FBXL4: variants seen among roughly 807,000 people sequenced by gnomAD.
The protein encoded by FBXL4 is F-box and leucine rich repeat protein 4.
A neutral mutation model predicts 58.9 loss-of-function variants in FBXL4; 40 were observed. The ratio of observed to expected loss-of-function variants is 0.68; its 90% CI spans 0.53 to 0.88. The LOEUF (loss-of-function observed/expected upper bound fraction) is 0.88. Ranked by LOEUF, FBXL4 falls within the 40% of genes least tolerant of loss-of-function variation. FBXL4 has a pLI of 0.00. For synonymous variants in FBXL4, 263 were observed against 265.5 expected (o/e 0.99, Z 0.09); for missense variants, 676 against 734.4 (o/e 0.92, Z 0.92).
rs997094928 is a variant in FBXL4 at position 98,868,675 on chromosome 6, A to C, written c.*5603T>G. 3 of 152,170 alleles carry C rather than the reference A, an allele frequency of 2.0e-5. No homozygotes were observed. Among genetic ancestry groups the C allele is most frequent in the Non-Finnish European group, 4.4e-5 (3 of 68,032 alleles). The allele number at this position is 152,170 out of a possible 1,614,324, so 9.4% of individuals were successfully genotyped here. On this transcript the variant is annotated 3_prime_UTR_variant, in exon 10 of 10. Transcript: ENST00000369244. ...GTACAGACAACTTCATTTGTAACAG[A>C]GACTTGTTTTATCTTTAGTGTATTC...
chr6:98,899,607 A>T lies in FBXL4; in HGVS notation c.1104-126T>A, dbSNP rs550657550. 6,255 of 1,189,530 alleles carry T rather than the reference A, an allele frequency of 5.3e-3. 25 individuals carry two copies. Among genetic ancestry groups the T allele is most frequent in the Non-Finnish European group, 5.9e-3 (5,177 of 877,196 alleles). 73.7% of individuals were successfully genotyped at this position (1,189,530 alleles called of 1,614,324 possible). A position where few individuals can be genotyped will look rare whatever the true frequency, so the allele number is the denominator to read the frequency against. ...AGATTTCTATTAGGGAAAATGTAAA[A>T]TTTGTTTTGCTTAAATTCTTATTCA... On this transcript the variant is annotated intron_variant, in intron 6 of 9. Transcript: ENST00000369244.
In FBXL4 at chr6:98,874,478, C is replaced by T. The variant is rs3765239; in HGVS notation, c.1703-37G>A. 227,272 of 1,550,622 alleles carry T rather than the reference C, an allele frequency of 0.15. 19,870 individuals are homozygous for T. The highest frequency in any genetic ancestry group is 0.47 in the East Asian group (20,635 of 44,262). Reference sequence around the variant, plus strand: ...AAACAAAACAAAACAAAACAAAACACCTTAAGTATAACATTTATATAATGT... The same window carrying T: ...AAACAAAACAAAACAAAACAAAACATCTTAAGTATAACATTTATATAATGT... On this transcript the variant is annotated intron_variant, in intron 9 of 9. Transcript: ENST00000369244.
intron 7 of FBXL4, chr6:98,897,265 A>T (rs2128388069): frequency 1.0e-6 from 1 of 985,330 alleles, no homozygotes; most frequent in African/African-American, 1.7e-5. Context: ...ATAATTTCAG[A>T]ATGAACAGTC....
chr6:98,898,731 C>T (rs997362025), intron 7 of FBXL4: 6 of 984,452 alleles, frequency 6.1e-6, no homozygotes, highest in Non-Finnish European at 7.2e-6. Flanking sequence ...ATAACATACA[C>T]TATTACAGTA....
chr6:98,923,345 C>T (rs1772655840), intron 4 of FBXL4, among the ~76,000 whole-genome samples: 1 of 152,010 alleles, frequency 6.6e-6, no homozygotes, highest in Non-Finnish European at 1.5e-5. Context: ...AGATATTCTT[C>T]TGGGAAGCTG....
rs192487460 is a variant in FBXL4 at position 98,904,727 on chromosome 6, T to C, written c.1103+699A>G. On this transcript the variant is annotated intron_variant, in intron 6 of 9. Transcript: ENST00000369244. ...ACTTCATGAAAATGCTGGGATTATA[T>C]GTAACATACAATGAGAAAAACCATG... Among the ~76,000 whole-genome samples, 110 of 152,290 alleles carry C rather than the reference T, an allele frequency of 7.2e-4. 2 individuals carry two copies. The highest frequency in any genetic ancestry group is 2.2e-3 in the Admixed American group (34 of 15,290).
intron 4 of FBXL4, among the ~76,000 whole-genome samples, chr6:98,922,294 T>C (rs1418032780): frequency 6.6e-6 from 1 of 152,208 alleles, no homozygotes; most frequent in African/African-American, 2.4e-5. Flanking sequence ...TAGAACTACC[T>C]GTAACTTCTC....
In FBXL4 at chr6:98,899,432, T is replaced by C. The variant is rs756148359; in HGVS notation, c.1153A>G (p.Ser385Gly). The C allele has an allele frequency of 1.2e-6, 2 of 1,613,788 alleles. No individual in the cohort carries two copies. The highest frequency in any genetic ancestry group is 2.2e-5 in the East Asian group (1 of 44,868). Residue 385 changes from serine (S) to glycine (G), a missense_variant, in exon 7 of 10, where the codon AGC (serine) becomes GGC (glycine). Physicochemically the swap from Ser to Gly is moderately conservative, Grantham distance 56 (BLOSUM62 0). Coordinates refer to ENST00000369244, the MANE Select transcript of FBXL4 (RefSeq NM_001278716.2). ...SELVRLELSC[S>G]HFLNETCLEV... ...AAGCAAGTTTCATTAAGAAAGTGGCTGCAAGACAATTCAAGGCGTACTAAT... is the reference window on the plus strand; with the variant it reads ...AAGCAAGTTTCATTAAGAAAGTGGCCGCAAGACAATTCAAGGCGTACTAAT...
intron 7 of FBXL4, among the ~76,000 whole-genome samples, chr6:98,891,279 GT>G (rs1771216966): frequency 6.6e-6 from 1 of 151,842 alleles, no homozygotes; most frequent in Non-Finnish European, 1.5e-5. Context: ...GGAAAAAGAA[GT>G]TCTCTAAACC....
chr6:98,891,738 A>C (rs1257911118), intron 7 of FBXL4, among the ~76,000 whole-genome samples: 1 of 152,004 alleles, frequency 6.6e-6, no homozygotes, highest in Non-Finnish European at 1.5e-5. Flanking sequence ...AAAAAAAAAA[A>C]AAAATTTAAA....
intron 6 of FBXL4, among the ~76,000 whole-genome samples, chr6:98,904,462 A>G (rs195822): frequency 0.3 from 46,132 of 152,066 alleles, 7,839 homozygotes; most frequent in East Asian, 0.69. Flanking sequence ...CTTCATTTAA[A>G]TCTAACAATA....
intron 1 of FBXL4, among the ~76,000 whole-genome samples, chr6:98,944,908 C>T (rs1773564131): frequency 6.6e-6 from 1 of 152,168 alleles, no homozygotes; most frequent in Non-Finnish European, 1.5e-5. Flanking sequence ...GATCCTCTGG[C>T]TACCGTTCCT....
chr6:98,881,820 C>G (rs771496937), intron 7 of FBXL4, among the ~76,000 whole-genome samples: 22 of 152,050 alleles, frequency 1.4e-4, no homozygotes, highest in Non-Finnish European at 3.1e-4. Flanking sequence ...TCCCATGTAG[C>G]TCTCAGAATG....
intron 7 of FBXL4, among the ~76,000 whole-genome samples, chr6:98,881,437 C>A (rs1417936531): frequency 6.6e-6 from 1 of 151,936 alleles, no homozygotes; most frequent in East Asian, 1.9e-4. Context: ...TTCAAACTTA[C>A]ATGGCAAAAT....
At chr6:98,913,090 A>G (rs1401579049) in intron 5 of FBXL4, among the ~76,000 whole-genome samples, 1 of 152,216 alleles carries the variant, frequency 6.6e-6, no homozygotes, top group African/African-American at 2.4e-5. Flanking sequence ...AGGCCATTAC[A>G]CAATGGTAAA....
At chr6:98,909,372 A>G (rs893531041) in intron 5 of FBXL4, among the ~76,000 whole-genome samples, 4 of 152,070 alleles carry the variant, frequency 2.6e-5, no homozygotes, top group South Asian at 2.1e-4. Flanking sequence ...CCTCCATCCA[A>G]TTCCATCTCC....
chr6:98,901,110 G>C (rs946516900), intron 6 of FBXL4, among the ~76,000 whole-genome samples: 4 of 152,130 alleles, frequency 2.6e-5, no homozygotes, highest in Admixed American at 2.0e-4. Flanking sequence ...GAGAGAAGGA[G>C]ATGATAACCA....
Position 98,871,300 on chromosome 6 carries a change from A to G in FBXL4, c.*2978T>C, listed in dbSNP as rs1770484861. ...TGAGAACACTGGGAACAACATCAAC[A>G]GTCAATAAAAAACAAGGCAAATGAC... On this transcript the variant is annotated 3_prime_UTR_variant, in exon 10 of 10. Coordinates refer to ENST00000369244, the MANE Select transcript of FBXL4 (RefSeq NM_001278716.2). 6.6e-6 allele frequency: 1 copy of G among 152,230 alleles called. No individual in the cohort carries two copies. The highest frequency in any genetic ancestry group is 1.5e-5 in the Non-Finnish European group (1 of 68,052). 9.4% of individuals were successfully genotyped at this position (152,230 alleles called of 1,614,324 possible).
intron 1 of FBXL4, among the ~76,000 whole-genome samples, chr6:98,944,519 T>C (rs1307093021): frequency 1.3e-5 from 2 of 152,148 alleles, no homozygotes; most frequent in African/African-American, 4.8e-5. Context: ...TTTTCATCCA[T>C]AAAATTACTA....
Sources: gnomAD v4.1 joint callset for allele counts (sites outside exome capture counted in the v4.1 genomes callset) on GRCh38, gnomAD v4.1.1 for gene constraint, MANE v1.5 for transcripts, NCBI Gene and HGNC (gene_info 2026-07-23, HGNC 2026-07-21) for gene names.